Variants in CPM observed in about 807,000 individuals in gnomAD.
CPM encodes the protein renal carboxypeptidase.
A neutral mutation model predicts 46.4 loss-of-function variants in CPM; 35 were observed. The ratio of observed to expected loss-of-function variants is 0.75; its 90% confidence interval spans 0.58 to 1.00. The LOEUF is 1.00. Ranked by LOEUF, CPM falls within the 50% of genes least tolerant of loss-of-function variation. The probability of loss-of-function intolerance (pLI) is 0.00; values close to 1 mark genes in which losing one functional copy is unlikely to be tolerated. For synonymous variants in CPM, 195 were observed against 195.3 expected, an observed-to-expected ratio of 1.00 and a Z score of 0.01; for missense variants, 422 against 530.4, an observed-to-expected ratio of 0.80 and a Z score of 2.01.
At position 68,930,383 on chromosome 12, in the gene CPM, T is replaced by C. The variant is rs985628600; in HGVS notation, c.160+2295A>G. Among the ~76,000 whole-genome samples, 4 of 152,162 alleles carry C rather than the reference T, an allele frequency of 2.6e-5. 1 individual carries two copies. The South Asian group carries it at 8.3e-4, about 31-fold the overall frequency. ...AGGCATGAGTCACTGGGCCTGGTCA[T>C]AAATTCTGTTTTCTAAGCAAACTTA... On this transcript the variant is annotated intron_variant, in intron 2 of 8. Transcript: ENST00000551568.
chr12:68,955,848 A>G (rs1465772142), intron 1 of CPM, among the ~76,000 whole-genome samples: 1 of 152,028 alleles, frequency 6.6e-6, no homozygotes, highest in Non-Finnish European at 1.5e-5. Flanking sequence ...GTGTGTATGG[A>G]TTGGTCCATG....
chr12:68,921,799 A>G (rs1888052619), intron 2 of CPM, among the ~76,000 whole-genome samples: 2 of 152,216 alleles, frequency 1.3e-5, no homozygotes, highest in Non-Finnish European at 2.9e-5. Context: ...AAGAACTTAC[A>G]TACAATATAG....
chr12:68,904,135 C>G (rs1317354409), intron 2 of CPM, among the ~76,000 whole-genome samples: 2 of 152,106 alleles, frequency 1.3e-5, no homozygotes, highest in African/African-American at 4.8e-5. Flanking sequence ...CCGCCTTGGC[C>G]CCTGAAAGCA....
At chr12:68,961,345 A>T (rs1231035724) in intron 1 of CPM, among the ~76,000 whole-genome samples, 2 of 152,060 alleles carry the variant, frequency 1.3e-5, no homozygotes, top group East Asian at 3.9e-4. Context: ...GAGTTTTGCC[A>T]TGTTGCCCAG....
chr12:68,935,141 C>T (rs1418903967), upstream of CPM, among the ~76,000 whole-genome samples: 1 of 152,002 alleles, frequency 6.6e-6, no homozygotes, highest in Non-Finnish European at 1.5e-5. Flanking sequence ...AACTCCCGAC[C>T]TCGGGCGATC....
chr12:68,962,318 T>C (rs1030489720), intron 1 of CPM, among the ~76,000 whole-genome samples: 1 of 152,134 alleles, frequency 6.6e-6, no homozygotes, highest in African/African-American at 2.4e-5. Context: ...GTTGTGTCAC[T>C]GTTGGGACAT....
At chr12:68,954,941 C>A (rs1474749674) in intron 1 of CPM, among the ~76,000 whole-genome samples, 22 of 152,216 alleles carry the variant, frequency 1.4e-4, no homozygotes, top group Admixed American at 1.4e-3. Flanking sequence ...CAGCCACAGC[C>A]TCACATGGAG....
At chr12:68,910,306 C>T (rs1380391958) in intron 2 of CPM, among the ~76,000 whole-genome samples, 1 of 152,100 alleles carries the variant, frequency 6.6e-6, no homozygotes, top group Non-Finnish European at 1.5e-5. Flanking sequence ...TCTAACATAA[C>T]ACACATAAGT....
upstream of CPM, among the ~76,000 whole-genome samples, chr12:68,937,802 A>T (rs1418558795): frequency 6.6e-6 from 1 of 152,238 alleles, no homozygotes; most frequent in Non-Finnish European, 1.5e-5. Flanking sequence ...AAGTTTTTCC[A>T]CCAAACATGC....
intron 1 of CPM, among the ~76,000 whole-genome samples, chr12:68,940,895 G>A (rs1433889655): frequency 2.6e-5 from 4 of 152,082 alleles, no homozygotes; most frequent in Non-Finnish European, 4.4e-5. Flanking sequence ...CAGTGCAGTT[G>A]TGTTAACTCT....
At chr12:68,882,363 T>G (rs1391765518) in intron 3 of CPM, among the ~76,000 whole-genome samples, 1 of 151,854 alleles carries the variant, frequency 6.6e-6, no homozygotes, top group East Asian at 1.9e-4. Context: ...TTTAGTTTGC[T>G]TATAGATCTT....
At chr12:68,876,903 T>C (rs7139355) in intron 3 of CPM, among the ~76,000 whole-genome samples, 10 of 112,466 alleles carry the variant, frequency 8.9e-5, no homozygotes, top group African/African-American at 3.1e-4. Context: ...CGTGTGTGTG[T>C]GTGTGTGTGT....
chr12:68,943,521 C>T (rs1888796704), intron 1 of CPM, among the ~76,000 whole-genome samples: 1 of 152,292 alleles, frequency 6.6e-6, no homozygotes, highest in Non-Finnish European at 1.5e-5. Context: ...GTGGAATAGA[C>T]CTTTATCAAC....
chr12:68,887,794 A>G (rs978213589), intron 2 of CPM, among the ~76,000 whole-genome samples: 8 of 152,206 alleles, frequency 5.3e-5, no homozygotes, highest in Admixed American at 6.5e-5. Context: ...ATAAAAAAAG[A>G]AATTTTTTCC....
At chr12:68,844,919 C>T (rs897811838) in intron 5 of CPM, 2 of 199,504 alleles carry the variant, frequency 1.0e-5, no homozygotes, top group East Asian at 7.7e-5. Flanking sequence ...AGCACCCTGT[C>T]ACCACGCCCC....
At position 68,897,928 on chromosome 12, in the gene CPM, C is replaced by A. The variant is rs530617221; in HGVS notation, c.161-12039G>T. 2.6e-5 allele frequency among the ~76,000 whole-genome samples: 4 copies of A among 152,110 alleles called. No individual in the cohort carries two copies. In the South Asian group the frequency reaches 8.3e-4, roughly 32 times the overall value. On this transcript the variant is annotated intron_variant, in intron 2 of 8. Transcript: ENST00000551568. ...GTGGTGCAATCATGGCTCACTATAGCCTTGACCTCCCAGGGCTCAAGTCAG... is the reference window on the plus strand; with the variant it reads ...GTGGTGCAATCATGGCTCACTATAGACTTGACCTCCCAGGGCTCAAGTCAG...
intron 3 of CPM, among the ~76,000 whole-genome samples, chr12:68,880,542 T>C (rs1260471525): frequency 6.6e-6 from 1 of 152,168 alleles, no homozygotes; most frequent in African/African-American, 2.4e-5. Flanking sequence ...GTGAAATTAA[T>C]TTGAGATAGA....
chr12:68,935,173 T>G (rs1888652717), upstream of CPM, among the ~76,000 whole-genome samples: 1 of 151,864 alleles, frequency 6.6e-6, no homozygotes, highest in South Asian at 2.1e-4. Flanking sequence ...GCCTCCCAGA[T>G]CGCTGGGATT....
chr12:68,898,011 T>C (rs1467341087), intron 2 of CPM, among the ~76,000 whole-genome samples: 1 of 150,214 alleles, frequency 6.7e-6, no homozygotes, highest in Non-Finnish European at 1.5e-5. Flanking sequence ...GCCTGGCTAA[T>C]TTGTGTATTT....
Sources: allele counts gnomAD v4.1 joint callset (sites outside exome capture counted in the v4.1 genomes callset), GRCh38; gene constraint gnomAD v4.1.1; transcripts MANE v1.5; gene names NCBI Gene and HGNC (gene_info 2026-07-23, HGNC 2026-07-21).